LARGE1: variants seen among roughly 807,000 people sequenced by gnomAD.
LARGE1 encodes xylosyl- and glucuronyltransferase LARGE1.
A neutral mutation model predicts 87.6 loss-of-function variants in LARGE1; 43 were observed. That is an observed-to-expected ratio of 0.49 (90% confidence interval 0.38 to 0.63). LARGE1 has a LOEUF of 0.63. Among genes scored for constraint, LARGE1 ranks in the 30% least tolerant of loss-of-function variants. The probability of loss-of-function intolerance (pLI) is 0.00; values close to 1 mark genes in which losing one functional copy is unlikely to be tolerated. For synonymous variants in LARGE1, 434 were observed against 394.6 expected, an observed-to-expected ratio of 1.10 and a Z score of -1.18; for missense variants, 802 against 1,000.2, an observed-to-expected ratio of 0.80 and a Z score of 2.67.
chr22:33,408,020 G>T (rs1223978594), intron 7 of LARGE1, among the ~76,000 whole-genome samples: 3 of 146,224 alleles, frequency 2.1e-5, no homozygotes, highest in African/African-American at 7.6e-5. Context: ...TTTTTCTGTC[G>T]CCCAGGCTGG....
At chr22:33,127,033 C>G in the LARGE1 span, among the ~76,000 whole-genome samples, 1 of 152,232 alleles carries the variant, frequency 6.6e-6, no homozygotes, top group African/African-American at 2.4e-5. Context: ...CAGTGTTCTT[C>G]ACTTTAGGTC....
intron 1 of LARGE1, among the ~76,000 whole-genome samples, chr22:33,824,995 G>C (rs62227785): frequency 0.077 from 11,738 of 152,188 alleles, 597 homozygotes; most frequent in Admixed American, 0.11. Flanking sequence ...TTGGGTCTTT[G>C]TTTTCTTATT....
At chr22:33,387,443 AAAAG>A (rs1410170918) in intron 7 of LARGE1, among the ~76,000 whole-genome samples, 2 of 149,952 alleles carry the variant, frequency 1.3e-5, no homozygotes, top group African/African-American at 4.9e-5. Context: ...AAAAAAAAAA[AAAAG>A]AAAGAAAGAA....
the LARGE1 span, among the ~76,000 whole-genome samples, chr22:33,089,263 C>CTCTTCTTCTTCTTCTTGT: frequency 6.6e-6 from 1 of 150,922 alleles, no homozygotes; most frequent in South Asian, 2.1e-4. Context: ...TGTCTTCTTC[C>CTCTTCTTCTTCTTCTTGT]TCTTCTTCTT....
rs535230421 is a variant in LARGE1 at position 33,748,024 on chromosome 22, C to CAAAAAAAAAAAAA, written c.106+13334_106+13346dup. Among the ~76,000 whole-genome samples the CAAAAAAAAAAAAA allele has an allele frequency of 1.6e-3, 35 of 21,736 alleles. 10 individuals are homozygous for CAAAAAAAAAAAAA. The highest frequency in any genetic ancestry group is 2.4e-3 in the African/African-American group (22 of 9,090). The allele number at this position is 21,736 out of a possible 152,430, so 14.3% of individuals were successfully genotyped here. ...GGGCACTGTGTGCCCTCTGCTGGAG[C>CAAAAAAAAAAAAA]AAAAAAAAAAAAAAAAAAAAAAAAA... On this transcript the variant is annotated intron_variant, in intron 2 of 14. Transcript: ENST00000397394.
At chr22:33,331,388 C>T (rs191848704) in intron 10 of LARGE1, among the ~76,000 whole-genome samples, 13 of 150,578 alleles carry the variant, frequency 8.6e-5, no homozygotes, top group African/African-American at 3.2e-4. Context: ...TTCTTTCTTT[C>T]TCTCTCTCTT....
intron 11 of LARGE1, among the ~76,000 whole-genome samples, chr22:33,250,749 A>C (rs907067912): frequency 6.6e-6 from 1 of 152,176 alleles, no homozygotes; most frequent in Non-Finnish European, 1.5e-5. Flanking sequence ...TTATTCATCT[A>C]CTTATATGAT....
At chr22:33,652,272 A>T (rs1370218303) in intron 2 of LARGE1, among the ~76,000 whole-genome samples, 2 of 152,096 alleles carry the variant, frequency 1.3e-5, no homozygotes, top group African/African-American at 2.4e-5. Flanking sequence ...TGATGTCAGA[A>T]TTCGCACCCA....
Position 33,428,791 on chromosome 22 carries a change from G to A in LARGE1, c.892+3370C>T, listed in dbSNP as rs1450688601. Among the ~76,000 whole-genome samples the A allele has an allele frequency of 5.4e-5, 8 of 148,030 alleles. No homozygotes were observed. The South Asian group carries it at 6.4e-4, about 12-fold the overall frequency. On this transcript the variant is annotated intron_variant, in intron 7 of 14. Transcript: ENST00000397394. ...AAAAAAAAAAAAAAATTAGCCGGGC[G>A]TGGTGGTGGGCGCCTGTAGTCCCAG...
intron 1 of LARGE1, among the ~76,000 whole-genome samples, chr22:33,839,648 A>C (rs952327924): frequency 6.6e-6 from 1 of 152,380 alleles, no homozygotes; most frequent in East Asian, 1.9e-4. Flanking sequence ...AATAAGATTT[A>C]GTAGCCTGAA....
chr22:33,072,129 A>G, the LARGE1 span, among the ~76,000 whole-genome samples: 3 of 152,122 alleles, frequency 2.0e-5, no homozygotes, highest in Admixed American at 6.5e-5. Flanking sequence ...CTCATGTGAC[A>G]CCATCACATC....
intron 1 of LARGE1, among the ~76,000 whole-genome samples, chr22:33,880,015 C>T (rs1308442807): frequency 6.6e-6 from 1 of 152,196 alleles, no homozygotes; most frequent in Non-Finnish European, 1.5e-5. Flanking sequence ...GCTTCTCCAC[C>T]AATCTGCTTG....
intron 5 of LARGE1, among the ~76,000 whole-genome samples, chr22:33,599,582 A>G (rs1460765114): frequency 6.6e-6 from 1 of 152,206 alleles, no homozygotes; most frequent in Non-Finnish European, 1.5e-5. Context: ...TGGTCATTAC[A>G]GAGAGAAGTG....
intron 2 of LARGE1, among the ~76,000 whole-genome samples, chr22:33,679,413 C>T (rs544756677): frequency 6.6e-6 from 1 of 152,008 alleles, no homozygotes; most frequent in African/African-American, 2.4e-5. Context: ...GTCCACGAAT[C>T]CATTATAACC....
At chr22:33,330,546 G>T (rs1937598264) in intron 10 of LARGE1, among the ~76,000 whole-genome samples, 1 of 152,110 alleles carries the variant, frequency 6.6e-6, no homozygotes, top group Non-Finnish European at 1.5e-5. Flanking sequence ...AAATGCTAAG[G>T]TATAGAATTC....
At chr22:33,395,090 G>T (rs552748760) in intron 7 of LARGE1, among the ~76,000 whole-genome samples, 2 of 152,018 alleles carry the variant, frequency 1.3e-5, no homozygotes, top group Non-Finnish European at 2.9e-5. Context: ...TTAGCCGGGC[G>T]TGGTGGCGGG....
At chr22:33,490,397 TAATGAAATAGTGCAATTTA>T (rs1355921699) in intron 6 of LARGE1, among the ~76,000 whole-genome samples, 1 of 152,220 alleles carries the variant, frequency 6.6e-6, no homozygotes, top group Non-Finnish European at 1.5e-5. Flanking sequence ...GATGTTATTT[TAATGAAATAGTGCAATTTA>T]AATGAAATAG....
chr22:33,396,323 A>G (rs2147263593), intron 7 of LARGE1, among the ~76,000 whole-genome samples: 1 of 152,324 alleles, frequency 6.6e-6, no homozygotes, highest in African/African-American at 2.4e-5. Context: ...CTTAATTTAA[A>G]ATCCCCTGCT....
intron 1 of LARGE1, among the ~76,000 whole-genome samples, chr22:33,905,179 C>T (rs2065409169): frequency 6.6e-6 from 1 of 151,480 alleles, no homozygotes; most frequent in Admixed American, 6.6e-5. Flanking sequence ...AATCCACCTC[C>T]CAGTCTCCTG....
Sources: gnomAD v4.1 joint callset for allele counts (sites outside exome capture counted in the v4.1 genomes callset) on GRCh38, gnomAD v4.1.1 for gene constraint, MANE v1.5 for transcripts, NCBI Gene and HGNC (gene_info 2026-07-23, HGNC 2026-07-21) for gene names.